The following FAM184B variants were observed in gnomAD, a reference collection of about 807,000 sequenced individuals.
FAM184B encodes family with sequence similarity 184 member B, also known as protein FAM184B.
A neutral mutation model predicts 135.9 loss-of-function variants in FAM184B; 111 were observed. The ratio of observed to expected loss-of-function variants is 0.82; its 90% CI spans 0.70 to 0.96. FAM184B has a LOEUF of 0.96. Among genes scored for constraint, FAM184B ranks in the 40% least tolerant of loss-of-function variants. The probability of loss-of-function intolerance (pLI) is 0.00; values close to 1 mark genes in which losing one functional copy is unlikely to be tolerated. For synonymous variants in FAM184B, 552 were observed against 524.8 expected (o/e 1.05, Z -0.71); for missense variants, 1,375 against 1,323.9 (o/e 1.04, Z -0.60).
intron 10 of FAM184B, 90 bp from the exon 11 acceptor site, chr4:17,653,073 G>T: frequency 1.6e-6 from 2 of 1,263,466 alleles, no homozygotes; most frequent in Non-Finnish European, 2.2e-6. Context: ...GAGCCAGGAT[G>T]CTCTGAACAC....
At chr4:17,656,435 CG>C (rs1181423314) in intron 10 of FAM184B, among the ~76,000 whole-genome samples, 1 of 152,054 alleles carries the variant, frequency 6.6e-6, no homozygotes, top group African/African-American at 2.4e-5. Context: ...GGAGTCTTGC[CG>C]TGTTGCCCAG....
At position 17,636,610 on chromosome 4, in the gene FAM184B, G is replaced by T; in HGVS notation, c.2702C>A (p.Ala901Glu). The change falls in exon 15 of 18, where the codon GCG (alanine) becomes GAG (glutamate). Residue 901 changes from alanine to glutamate, a missense_variant. Ala to Glu is a moderately radical substitution (Grantham distance 107). Transcript: ENST00000265018. ...GAGCTGAAGGTCCTCGGGCCTGGAC[G>T]CTCCCTTCCCTGGCTTCTCTCCGGA... ...KDSGEKPGKG[A>E]SRPEDLQLIG... The T allele has an allele frequency of 6.4e-7, 1 of 1,550,476 alleles. No individual in the cohort carries two copies.
At chr4:17,748,637 C>T (rs774976279) in intron 1 of FAM184B, among the ~76,000 whole-genome samples, 15 of 151,460 alleles carry the variant, frequency 9.9e-5, no homozygotes, top group Non-Finnish European at 1.6e-4. Context: ...CAGCCTCAGC[C>T]TCCCAAGTAG....
chr4:17,707,726 G>T lies in FAM184B; in HGVS notation c.953C>A (p.Ala318Glu), dbSNP rs1717150350. 6.4e-7 allele frequency: 1 copy of T among 1,551,714 alleles called. No individual in the cohort carries two copies. Among genetic ancestry groups the T allele is most frequent in the Non-Finnish European group, 8.7e-7 (1 of 1,147,016 alleles). ...RQENSELKGT[A>E]KKLGEKLAVA... The stretch of plus-strand genomic sequence containing the variant: ...AGCCAGCTTCTCCCCAAGTTTTTTT[G>T]CAGTGCCTTTCAACTCTGAATTCTC... Residue 318 changes from alanine (A) to glutamate (E), a missense_variant, in exon 3 of 18, where the codon GCA (alanine) becomes GAA (glutamate). Coordinates refer to ENST00000265018, the MANE Select transcript of FAM184B (RefSeq NM_015688.2).
Position 17,762,949 on chromosome 4 carries a change from C to T in FAM184B, c.141+18210G>A, listed in dbSNP as rs372230407. Among the ~76,000 whole-genome samples, 102 of 152,260 alleles carry T rather than the reference C, an allele frequency of 6.7e-4. No individual in the cohort carries two copies. In the East Asian group the frequency reaches 0.014, roughly 21 times the overall value. On this transcript the variant is annotated intron_variant, in intron 1 of 17. Transcript: ENST00000265018. Reference sequence around the variant, plus strand: ...CTGACTTTTGAATCACTGCACCTTCCGGATCTCCTCATTGCCCTGGCCTAC... The same window carrying T: ...CTGACTTTTGAATCACTGCACCTTCTGGATCTCCTCATTGCCCTGGCCTAC...
intron 1 of FAM184B, among the ~76,000 whole-genome samples, chr4:17,750,298 G>C (rs1299323318): frequency 6.6e-6 from 1 of 152,158 alleles, no homozygotes; most frequent in Non-Finnish European, 1.5e-5. Context: ...AAAAATCATT[G>C]ACTTAATTCC....
intron 7 of FAM184B, among the ~76,000 whole-genome samples, chr4:17,676,125 T>C (rs1716304935): frequency 6.6e-6 from 1 of 152,206 alleles, no homozygotes; most frequent in African/African-American, 2.4e-5. Context: ...GCTTAATCAT[T>C]TCTAGTTTTT....
At chr4:17,642,573 T>G (rs1347671506) in intron 12 of FAM184B, among the ~76,000 whole-genome samples, 1 of 152,160 alleles carries the variant, frequency 6.6e-6, no homozygotes, top group Non-Finnish European at 1.5e-5. Flanking sequence ...AAGTGTTCAG[T>G]GAAGTGATAC....
chr4:17,666,469 C>CTTTTTT lies in FAM184B; in HGVS notation c.1597-1816_1597-1811dup, dbSNP rs386399397. Among the ~76,000 whole-genome samples the CTTTTTT allele has an allele frequency of 4.5e-3, 259 of 57,098 alleles. 3 individuals are homozygous for CTTTTTT. The highest frequency in any genetic ancestry group is 7.3e-3 in the African/African-American group (102 of 13,950). 37.5% of individuals were successfully genotyped at this position (57,098 alleles called of 152,430 possible). Reference sequence around the variant, plus strand: ...CAGGTGCATGCCACTGTGCCTGGTTCTTTTTTTTTTTTTTTTTTTTTTTTT... The same window carrying CTTTTTT: ...CAGGTGCATGCCACTGTGCCTGGTTCTTTTTTTTTTTTTTTTTTTTTTTTTTTTTTT... On this transcript the variant is annotated intron_variant, in intron 7 of 17. Coordinates refer to ENST00000265018, the MANE Select transcript of FAM184B (RefSeq NM_015688.2).
chr4:17,659,030 C>T (rs1243796780), intron 9 of FAM184B, among the ~76,000 whole-genome samples: 2 of 152,168 alleles, frequency 1.3e-5, no homozygotes, highest in Non-Finnish European at 2.9e-5. Context: ...ACGTGATTTA[C>T]TGACTTCTTA....
At chr4:17,774,992 C>CTTTTTTTTTTTTT (rs71167338) in intron 1 of FAM184B, among the ~76,000 whole-genome samples, 1 of 81,746 alleles carries the variant, frequency 1.2e-5, no homozygotes, top group African/African-American at 5.1e-5. Context: ...TTTTCCTTTT[C>CTTTTTTTTTTTTT]TTTTTTTTTT....
intron 1 of FAM184B, among the ~76,000 whole-genome samples, chr4:17,751,833 A>G (rs1469521809): frequency 1.1e-4 from 17 of 149,746 alleles, no homozygotes; most frequent in African/African-American, 3.7e-4. Context: ...GCACACACAC[A>G]CACACACACA....
intron 16 of FAM184B, 99 bp downstream of exon 16, chr4:17,634,910 C>A: frequency 2.9e-6 from 2 of 678,106 alleles, no homozygotes; most frequent in Non-Finnish European, 4.7e-6. Flanking sequence ...GAATATTTTT[C>A]TGAGCGTACA....
At chr4:17,653,784 T>C (rs1715698002) in intron 10 of FAM184B, among the ~76,000 whole-genome samples, 1 of 151,724 alleles carries the variant, frequency 6.6e-6, no homozygotes, top group Non-Finnish European at 1.5e-5. Flanking sequence ...AAAGGGACTT[T>C]GCAGATGTGA....
At chr4:17,690,252 G>T (rs2108957181) in intron 6 of FAM184B, among the ~76,000 whole-genome samples, 1 of 152,314 alleles carries the variant, frequency 6.6e-6, no homozygotes, top group Non-Finnish European at 1.5e-5. Flanking sequence ...GGTGAAGGTG[G>T]GATAGTGCAT....
intron 5 of FAM184B, among the ~76,000 whole-genome samples, chr4:17,696,713 C>T (rs116661487): frequency 0.016 from 2,466 of 151,840 alleles, 40 homozygotes; most frequent in Middle Eastern, 0.075. Context: ...CTCAGGGGGC[C>T]GAGGCAGGAG....
At chr4:17,638,004 G>A (rs1427036911) in intron 14 of FAM184B, among the ~76,000 whole-genome samples, 2 of 147,288 alleles carry the variant, frequency 1.4e-5, no homozygotes, top group Non-Finnish European at 3.0e-5. Flanking sequence ...TCTCACTGAT[G>A]CCTCAGGAGT....
chr4:17,736,406 T>C (rs1717910202), intron 1 of FAM184B, among the ~76,000 whole-genome samples: 1 of 152,184 alleles, frequency 6.6e-6, no homozygotes, highest in Non-Finnish European at 1.5e-5. Flanking sequence ...GAATTTGAAT[T>C]ATGTGATTCG....
chr4:17,692,745 G>C (rs1716765143), intron 6 of FAM184B, among the ~76,000 whole-genome samples: 1 of 152,126 alleles, frequency 6.6e-6, no homozygotes, highest in African/African-American at 2.4e-5. Flanking sequence ...AAGGAAACTT[G>C]TTGACATTTT....
Sources: gnomAD v4.1 joint callset for allele counts (sites outside exome capture counted in the v4.1 genomes callset) on GRCh38, gnomAD v4.1.1 for gene constraint, MANE v1.5 for transcripts, NCBI Gene and HGNC (gene_info 2026-07-23, HGNC 2026-07-21) for gene names.